TLN2: variants seen among roughly 807,000 people sequenced by gnomAD.
TLN2 encodes talin 2, also known as talin-2.
TLN2 carries 118 observed loss-of-function variants against 294.7 expected under a neutral mutation model. That is an observed-to-expected ratio of 0.40 (90% confidence interval 0.34 to 0.47). The LOEUF is 0.47. Ranked by LOEUF, TLN2 falls within the 20% of genes least tolerant of loss-of-function variation. TLN2 has a pLI of 0.84. For synonymous variants in TLN2, 1,431 were observed against 1,304.5 expected (o/e 1.10, Z -2.09); for missense variants, 3,083 against 3,282.2 (o/e 0.94, Z 1.48).
At chr15:62,674,589 CCCG>C (rs1567320854) in intron 10 of TLN2, among the ~76,000 whole-genome samples, 5 of 151,092 alleles carry the variant, frequency 3.3e-5, no homozygotes, top group Admixed American at 1.3e-4. Flanking sequence ...CGTACCTCCC[CCCG>C]CCCTGTTCAA....
intron 1 of TLN2, among the ~76,000 whole-genome samples, chr15:62,451,462 C>T (rs2036142375): frequency 6.6e-6 from 1 of 152,186 alleles, no homozygotes; most frequent in Non-Finnish European, 1.5e-5. Flanking sequence ...CTAGACCATC[C>T]TGGCTAACAT....
chr15:62,669,427 T>C (rs1187484517), intron 9 of TLN2, among the ~76,000 whole-genome samples: 1 of 152,216 alleles, frequency 6.6e-6, no homozygotes, highest in Non-Finnish European at 1.5e-5. Flanking sequence ...ATTAGTGTAC[T>C]AACTTTACTG....
chr15:62,613,766 A>G (rs755392738), intron 2 of TLN2, among the ~76,000 whole-genome samples: 2 of 152,042 alleles, frequency 1.3e-5, no homozygotes, highest in Non-Finnish European at 2.9e-5. Flanking sequence ...AAGACTAAGC[A>G]TGAAAGACAA....
chr15:62,453,256 CTA>C (rs915066779), intron 1 of TLN2, among the ~76,000 whole-genome samples: 2 of 99,518 alleles, frequency 2.0e-5, no homozygotes, highest in Non-Finnish European at 4.1e-5. Flanking sequence ...CATTGTCAAC[CTA>C]TTTTTTTTTT....
intron 25 of TLN2, among the ~76,000 whole-genome samples, chr15:62,721,919 A>G (rs2060172797): frequency 6.6e-6 from 1 of 152,190 alleles, no homozygotes; most frequent in African/African-American, 2.4e-5. Context: ...TCACTGGCGA[A>G]GTTATTTTGC....
chr15:62,600,977 C>G (rs2046951559), intron 2 of TLN2, among the ~76,000 whole-genome samples: 1 of 152,074 alleles, frequency 6.6e-6, no homozygotes, highest in African/African-American at 2.4e-5. Flanking sequence ...TTTACGTTTC[C>G]TTAAATCAGG....
chr15:62,665,285 A>G (rs1175424998), intron 9 of TLN2, among the ~76,000 whole-genome samples: 2 of 152,100 alleles, frequency 1.3e-5, no homozygotes, highest in Non-Finnish European at 2.9e-5. Flanking sequence ...CCTGGGTTCA[A>G]GCGATCCACC....
intron 25 of TLN2, among the ~76,000 whole-genome samples, chr15:62,720,905 A>G (rs1354156463): frequency 6.6e-6 from 1 of 152,138 alleles, no homozygotes; most frequent in Non-Finnish European, 1.5e-5. Flanking sequence ...TAGAGAGAGG[A>G]TTGTAAACAG....
At chr15:62,686,843 G>C in intron 12 of TLN2, 47 bp downstream of exon 12, 1 of 1,602,580 alleles carries the variant, frequency 6.2e-7, no homozygotes, top group Non-Finnish European at 8.5e-7. Flanking sequence ...GGCCTTGAGT[G>C]ATATTGTGGG....
chr15:62,756,303 G>T (rs1339671088), intron 37 of TLN2, among the ~76,000 whole-genome samples: 1 of 152,172 alleles, frequency 6.6e-6, no homozygotes, highest in Non-Finnish European at 1.5e-5. Flanking sequence ...GCATGTGGCG[G>T]GTGGGCAGGT....
intron 1 of TLN2, among the ~76,000 whole-genome samples, chr15:62,437,354 G>A (rs997843860): frequency 2.0e-5 from 3 of 151,972 alleles, no homozygotes; most frequent in African/African-American, 7.3e-5. Flanking sequence ...TGGCTGCTGA[G>A]AGAGATCATG....
At chr15:62,571,313 C>T (rs949929116) in intron 1 of TLN2, among the ~76,000 whole-genome samples, 1 of 152,082 alleles carries the variant, frequency 6.6e-6, no homozygotes, top group Non-Finnish European at 1.5e-5. Context: ...TCTGGGGGGA[C>T]GGTGCCAAAC....
chr15:62,797,952 C>T (rs2065630251), intron 48 of TLN2, among the ~76,000 whole-genome samples: 1 of 152,146 alleles, frequency 6.6e-6, no homozygotes, highest in African/African-American at 2.4e-5. Context: ...TTTAGGACCA[C>T]TTTACCGTGC....
chr15:62,658,074 G>GA (rs1391872565), intron 9 of TLN2, 176 bp downstream of exon 9: 1 of 509,640 alleles, frequency 2.0e-6, no homozygotes, highest in Non-Finnish European at 3.3e-6. Context: ...GAAAGCAAGA[G>GA]AAATTCAGAA....
chr15:62,844,530 T>A lies in TLN2; in HGVS notation c.*3920T>A, dbSNP rs1370401662. On this transcript the variant is annotated 3_prime_UTR_variant, in exon 59 of 59. Coordinates refer to ENST00000636159, the MANE Select transcript of TLN2 (RefSeq NM_015059.3). ...CAAGATCCAGAAGAAAACAGGAACG[T>A]TCAGCTCTGCCCTGTGTCGTATCTA... 1 of 152,116 alleles carries A rather than the reference T, an allele frequency of 6.6e-6. No individual in the cohort carries two copies. The highest frequency in any genetic ancestry group is 2.1e-4 in the South Asian group (1 of 4,824). The allele number at this position is 152,116 out of a possible 1,614,324, so 9.4% of individuals were successfully genotyped here. A position where few individuals can be genotyped will look rare whatever the true frequency, so the allele number is the denominator to read the frequency against.
chr15:62,608,681 T>C (rs1290170485), intron 2 of TLN2, among the ~76,000 whole-genome samples: 1 of 151,910 alleles, frequency 6.6e-6, no homozygotes. Flanking sequence ...GGTGATGAGT[T>C]TATTTTTGAA....
intron 46 of TLN2, among the ~76,000 whole-genome samples, chr15:62,794,075 C>A (rs937084668): frequency 1.3e-5 from 2 of 152,100 alleles, no homozygotes; most frequent in African/African-American, 4.8e-5. Context: ...GCCAAGTTCC[C>A]CCATAAAAGG....
rs567435123 is a variant in TLN2, at chr15:62,656,262, G to A, written c.660+176G>A. Among the ~76,000 whole-genome samples the A allele has an allele frequency of 2.6e-5, 4 of 152,284 alleles. No homozygotes were observed. In the East Asian group the frequency reaches 7.7e-4, roughly 29 times the overall value. ...TGGTTGTGGTGCAGGTTGATATTCT[G>A]GATGAGCAGCTGACCATCCGGAGTA... On this transcript the variant is annotated intron_variant, in intron 8 of 58. Coordinates refer to ENST00000636159, the MANE Select transcript of TLN2 (RefSeq NM_015059.3).
chr15:62,702,023 G>C lies in TLN2; in HGVS notation c.1728G>C (p.Val576=). 1 of 1,614,198 alleles carries C rather than the reference G, an allele frequency of 6.2e-7. No individual in the cohort carries two copies. Among genetic ancestry groups the C allele is most frequent in the South Asian group, 1.1e-5 (1 of 91,090 alleles). ...GDPADTDYTA[V]GCAITTISSN... ...CTGCAGACACTGACTACACAGCTGT[G>C]GGATGTGCGATCACCACTATTTCTT... The change falls in exon 18 of 59, where the codon GTG becomes GTC. Residue 576 remains valine (V), a synonymous_variant. Coordinates refer to ENST00000636159, the MANE Select transcript of TLN2 (RefSeq NM_015059.3).
Sources: gnomAD v4.1 joint callset for allele counts (sites outside exome capture counted in the v4.1 genomes callset) on GRCh38, gnomAD v4.1.1 for gene constraint, MANE v1.5 for transcripts, NCBI Gene and HGNC (gene_info 2026-07-23, HGNC 2026-07-21) for gene names.